The following PKHD1 variants were observed in gnomAD, a reference collection of about 807,000 sequenced individuals.
PKHD1 encodes the protein fibrocystin.
In PKHD1, 291 loss-of-function variants were observed where a neutral mutation model predicts 412.0. That is an observed-to-expected ratio of 0.71 (90% CI 0.64 to 0.78). The LOEUF (loss-of-function observed/expected upper bound fraction) is 0.78. PKHD1 is among the 30% of genes least tolerant of loss of function. The pLI is 0.00. For missense variants in PKHD1, 4,825 were observed against 4,950.7 expected (o/e 0.97, Z 0.76); for synonymous variants, 1,777 against 1,821.5 (o/e 0.98, Z 0.62).
intron 60 of PKHD1, among the ~76,000 whole-genome samples, chr6:51,729,186 A>T (rs1782949810): frequency 6.6e-6 from 1 of 152,246 alleles, no homozygotes; most frequent in Admixed American, 6.5e-5. Flanking sequence ...AAGAACTTAC[A>T]TTCAGTTTTT....
chr6:51,832,281 T>A (rs981669019), intron 51 of PKHD1, among the ~76,000 whole-genome samples: 8 of 152,052 alleles, frequency 5.3e-5, no homozygotes, highest in Non-Finnish European at 8.8e-5. Flanking sequence ...AGCTGCATTT[T>A]AAAGCCTTAG....
chr6:51,719,092 C>T (rs1048277335), intron 60 of PKHD1, among the ~76,000 whole-genome samples: 1 of 122,558 alleles, frequency 8.2e-6, no homozygotes, highest in African/African-American at 3.4e-5. Flanking sequence ...CAAGAAACAG[C>T]CAATTTTAAG....
Position 51,874,330 on chromosome 6 carries a change from ATAGGTATAAACAAAC to A in PKHD1, c.7351-3706_7351-3692del, listed in dbSNP as rs1256301116. On this transcript the variant is annotated intron_variant, in intron 46 of 66. Coordinates refer to ENST00000371117, the MANE Select transcript of PKHD1 (RefSeq NM_138694.4). ...GTTAATTAGACAGAATGCTGGGACAATAGGTATAAACAAACTACGCACCCAAACTAGGATATATCG... is the reference window on the plus strand; with the variant it reads ...GTTAATTAGACAGAATGCTGGGACAATACGCACCCAAACTAGGATATATCG... Among the ~76,000 whole-genome samples, 7 of 152,304 alleles carry A rather than the reference ATAGGTATAAACAAAC, an allele frequency of 4.6e-5. No homozygotes were observed. In the East Asian group the frequency reaches 1.2e-3, roughly 25 times the overall value.
chr6:51,937,940 T>C (rs1358503615), intron 36 of PKHD1, among the ~76,000 whole-genome samples: 1 of 152,220 alleles, frequency 6.6e-6, no homozygotes, highest in Admixed American at 6.5e-5. Context: ...TAACATGGCT[T>C]ACTCCATCTT....
intron 63 of PKHD1, among the ~76,000 whole-genome samples, chr6:51,645,610 T>G (rs1769992944): frequency 6.6e-6 from 1 of 152,172 alleles, no homozygotes; most frequent in Non-Finnish European, 1.5e-5. Flanking sequence ...GCCAGGCTGG[T>G]CTCAAATGCC....
intron 57 of PKHD1, among the ~76,000 whole-genome samples, chr6:51,749,975 T>C (rs959050686): frequency 6.6e-6 from 1 of 152,210 alleles, no homozygotes; most frequent in Non-Finnish European, 1.5e-5. Context: ...AAGCAATACA[T>C]TTGAAGTTTC....
At chr6:51,750,995 T>C (rs1786028878) in intron 57 of PKHD1, among the ~76,000 whole-genome samples, 1 of 152,144 alleles carries the variant, frequency 6.6e-6, no homozygotes, top group Non-Finnish European at 1.5e-5. Context: ...CAAGCTGGTA[T>C]CGAACTCCTG....
At chr6:51,619,701 C>A (rs1766370599) in intron 66 of PKHD1, among the ~76,000 whole-genome samples, 181 bp from the exon 67 acceptor site, 1 of 152,120 alleles carries the variant, frequency 6.6e-6, no homozygotes, top group Non-Finnish European at 1.5e-5. Context: ...ATTGGTAATA[C>A]TTCTTCCTCA....
intron 52 of PKHD1, among the ~76,000 whole-genome samples, chr6:51,819,807 AG>A (rs1460249509): frequency 6.6e-6 from 1 of 152,146 alleles, no homozygotes; most frequent in Non-Finnish European, 1.5e-5. Flanking sequence ...TGGCTTTGCG[AG>A]GGGTTTTAAT....
chr6:51,846,553 T>C (rs186703104), intron 50 of PKHD1, among the ~76,000 whole-genome samples: 1 of 152,270 alleles, frequency 6.6e-6, no homozygotes, highest in Non-Finnish European at 1.5e-5. Context: ...ACCATGGTGC[T>C]CAGAGAGACC....
chr6:51,787,605 T>C (rs952934361), intron 53 of PKHD1, among the ~76,000 whole-genome samples: 1 of 152,172 alleles, frequency 6.6e-6, no homozygotes, highest in Non-Finnish European at 1.5e-5. Flanking sequence ...ATTGGGCAGA[T>C]GGGTTCCAAT....
intron 35 of PKHD1, among the ~76,000 whole-genome samples, chr6:51,973,509 C>T (rs185433773): frequency 7.9e-5 from 12 of 152,314 alleles, no homozygotes; most frequent in Admixed American, 7.8e-4. Context: ...AAGCAATCCA[C>T]AGGCACAGTT....
At chr6:51,724,314 G>A (rs1001235929) in intron 60 of PKHD1, among the ~76,000 whole-genome samples, 6 of 152,056 alleles carry the variant, frequency 3.9e-5, no homozygotes, top group South Asian at 2.1e-4. Context: ...TTGAGACCAC[G>A]TACTCCCCCT....
intron 53 of PKHD1, among the ~76,000 whole-genome samples, chr6:51,787,316 G>A (rs534144980): frequency 1.7e-4 from 25 of 147,082 alleles, no homozygotes; most frequent in African/African-American, 3.0e-4. Flanking sequence ...CTGAGATGGC[G>A]CCACTGCACT....
At position 52,080,008 on chromosome 6, in the gene PKHD1, T is replaced by A; in HGVS notation, c.282A>T (p.Arg94Ser). 6.4e-7 allele frequency: 1 copy of A among 1,559,024 alleles called. No homozygotes were observed. The highest frequency in any genetic ancestry group is 8.9e-7 in the Non-Finnish European group (1 of 1,129,848). Residue 94 changes from arginine (R) to serine (S), a missense_variant and splice_region_variant, in exon 5 of 67, where the codon AGA becomes AGT. Arg to Ser is a moderately radical substitution (Grantham distance 110). Coordinates refer to ENST00000371117, the MANE Select transcript of PKHD1 (RefSeq NM_138694.4). ...LDLPVVTCRTRSVLSEAHEGL... is the reference protein window; with the variant it reads ...LDLPVVTCRTSSVLSEAHEGL... ...CCTCATGTGCTTCAGACAGCACAGA[T>A]CTGAGGACAGAAAGTGGAAATCCTT...
intron 35 of PKHD1, among the ~76,000 whole-genome samples, chr6:51,971,600 A>G (rs533739059): frequency 3.2e-4 from 48 of 152,362 alleles, no homozygotes; most frequent in Admixed American, 2.5e-3. Context: ...AATACTTACT[A>G]TCTAGGCTGA....
Position 51,754,893 on chromosome 6 carries a change from T to C in PKHD1, c.8688A>G (p.Ile2896Met). The change falls in exon 56 of 67, where the codon ATA becomes ATG. Residue 2896 changes from isoleucine to methionine, a missense_variant. Physicochemically the swap from Ile to Met is conservative, Grantham distance 10. Coordinates refer to ENST00000371117, the MANE Select transcript of PKHD1 (RefSeq NM_138694.4). ...GCTCATAAGAAGAGGAGCTAAGGAC[T>C]ATTTTGTCATGGGGGCGCCAATCCA... ...DAVDWRPHDK[I>M]VLSSSSYEPH... The C allele has an allele frequency of 6.2e-7, 1 of 1,613,656 alleles. No homozygotes were observed. Among genetic ancestry groups the C allele is most frequent in the Non-Finnish European group, 8.5e-7 (1 of 1,179,610 alleles).
chr6:51,883,268 G>GT (rs1269355254), intron 45 of PKHD1, 41 bp from the exon 46 acceptor site: 1 of 1,596,476 alleles, frequency 6.3e-7, no homozygotes, highest in Non-Finnish European at 8.6e-7. Flanking sequence ...CTGAGGCTTG[G>GT]TTTTTCTTGC....
chr6:51,730,926 A>G (rs1034639249), intron 60 of PKHD1, among the ~76,000 whole-genome samples: 7 of 152,158 alleles, frequency 4.6e-5, no homozygotes, highest in African/African-American at 1.7e-4. Context: ...AATTTTTGAG[A>G]GGTTGAAGGG....
Sources: allele counts gnomAD v4.1 joint callset (sites outside exome capture counted in the v4.1 genomes callset), GRCh38; gene constraint gnomAD v4.1.1; transcripts MANE v1.5; gene names NCBI Gene and HGNC (gene_info 2026-07-23, HGNC 2026-07-21).